Variants in TRPS1 observed in about 807,000 individuals in gnomAD.
TRPS1 encodes zinc finger transcription factor Trps1.
A neutral mutation model predicts 101.2 loss-of-function variants in TRPS1; 6 were observed. The observed-to-expected ratio is 0.06, with a 90% CI of 0.03 to 0.12. TRPS1 has a LOEUF of 0.12. Among genes scored for constraint, TRPS1 ranks in the 10% least tolerant of loss-of-function variants. The pLI is 1.00. For missense variants in TRPS1, 1,363 were observed against 1,567.0 expected (o/e 0.87, Z 2.20); for synonymous variants, 578 against 589.8 (o/e 0.98, Z 0.29).
intron 5 of TRPS1, among the ~76,000 whole-genome samples, chr8:115,519,474 T>C (rs527790925): frequency 6.6e-6 from 1 of 151,770 alleles, no homozygotes; most frequent in South Asian, 2.1e-4. Context: ...TTCAAAATAA[T>C]TTATTTAGTG....
intron 1 of TRPS1, among the ~76,000 whole-genome samples, chr8:115,660,954 G>A (rs1811778898): frequency 6.6e-6 from 1 of 151,860 alleles, no homozygotes; most frequent in African/African-American, 2.4e-5. Context: ...AAAATGCATT[G>A]GGTCATAGTA....
intron 5 of TRPS1, among the ~76,000 whole-genome samples, chr8:115,483,155 A>C (rs1814796452): frequency 6.6e-6 from 1 of 152,164 alleles, no homozygotes; most frequent in East Asian, 1.9e-4. Flanking sequence ...GAATGGATAA[A>C]GTGAGAGAGG....
chr8:115,415,569 T>C (rs1291684902), intron 6 of TRPS1, among the ~76,000 whole-genome samples: 2 of 152,184 alleles, frequency 1.3e-5, no homozygotes, highest in Non-Finnish European at 2.9e-5. Flanking sequence ...ACAGTGTGAC[T>C]GTGTCTGGAG....
At chr8:115,546,666 C>T (rs866091622) in intron 5 of TRPS1, among the ~76,000 whole-genome samples, 25 of 151,132 alleles carry the variant, frequency 1.7e-4, no homozygotes, top group Admixed American at 2.6e-4. Flanking sequence ...AAATTATTTC[C>T]ATAAATTACT....
chr8:115,438,468 A>G (rs1442560563), intron 5 of TRPS1, among the ~76,000 whole-genome samples: 1 of 152,196 alleles, frequency 6.6e-6, no homozygotes, highest in African/African-American at 2.4e-5. Flanking sequence ...GCAACTGGTC[A>G]ATCATGATGA....
chr8:115,433,356 A>G (rs994487788), intron 5 of TRPS1, among the ~76,000 whole-genome samples: 11 of 152,076 alleles, frequency 7.2e-5, no homozygotes, highest in Non-Finnish European at 1.3e-4. Flanking sequence ...AGAACACAAA[A>G]ACTTGCAGGC....
intron 5 of TRPS1, among the ~76,000 whole-genome samples, chr8:115,569,406 C>G (rs1482122756): frequency 6.6e-6 from 1 of 152,094 alleles, no homozygotes; most frequent in Non-Finnish European, 1.5e-5. Flanking sequence ...AGGAAAAGAG[C>G]TCCATGCCTT....
At chr8:115,424,219 A>G (rs1270171422) in intron 5 of TRPS1, among the ~76,000 whole-genome samples, 3 of 152,252 alleles carry the variant, frequency 2.0e-5, no homozygotes, top group African/African-American at 7.2e-5. Context: ...TCTGATTTAT[A>G]TAATGTTAGT....
intron 4 of TRPS1, among the ~76,000 whole-genome samples, chr8:115,591,080 T>A (rs1006397815): frequency 6.6e-6 from 1 of 152,178 alleles, no homozygotes; most frequent in Non-Finnish European, 1.5e-5. Context: ...TTTAATGACA[T>A]GAAAGAATGA....
At chr8:115,540,283 T>C (rs1816421791) in intron 5 of TRPS1, among the ~76,000 whole-genome samples, 1 of 152,138 alleles carries the variant, frequency 6.6e-6, no homozygotes, top group South Asian at 2.1e-4. Context: ...TAAGAAAATG[T>C]AGTAAGACAT....
chr8:115,572,160 A>G (rs964107484), intron 5 of TRPS1, among the ~76,000 whole-genome samples: 1 of 152,148 alleles, frequency 6.6e-6, no homozygotes, highest in Non-Finnish European at 1.5e-5. Context: ...TCAATTACGA[A>G]AAGACTTTGA....
intron 5 of TRPS1, among the ~76,000 whole-genome samples, chr8:115,419,440 G>A (rs1206680162): frequency 1.3e-5 from 2 of 151,696 alleles, no homozygotes. Flanking sequence ...AGGAAGCAAA[G>A]CCTTTAATGA....
intron 5 of TRPS1, among the ~76,000 whole-genome samples, chr8:115,554,819 A>G (rs1816780120): frequency 6.6e-6 from 1 of 152,184 alleles, no homozygotes; most frequent in East Asian, 1.9e-4. Context: ...TCTAGATGGC[A>G]CAGGTTCAGA....
intron 5 of TRPS1, among the ~76,000 whole-genome samples, chr8:115,504,731 T>C (rs62513001): frequency 7.5e-4 from 115 of 152,336 alleles, no homozygotes; most frequent in Non-Finnish European, 1.6e-3. Context: ...ATGTTAGGCA[T>C]ATTTATTCTG....
intron 5 of TRPS1, among the ~76,000 whole-genome samples, chr8:115,583,422 C>T (rs1160139302): frequency 6.6e-6 from 1 of 152,046 alleles, no homozygotes; most frequent in Non-Finnish European, 1.5e-5. Flanking sequence ...ATGTTAACCT[C>T]TTCACAGACC....
intron 1 of TRPS1, among the ~76,000 whole-genome samples, chr8:115,648,663 T>A (rs184891892): frequency 4.0e-5 from 6 of 148,930 alleles, no homozygotes; most frequent in South Asian, 4.3e-4. Context: ...AAAGGAAAAA[T>A]TTTTTTAAAG....
Position 115,414,630 on chromosome 8 carries a change from T to C in TRPS1, c.3278A>G (p.Tyr1093Cys), listed in dbSNP as rs1317967723. 3 of 1,613,990 alleles carry C rather than the reference T, an allele frequency of 1.9e-6. No individual in the cohort carries two copies. Among genetic ancestry groups the C allele is most frequent in the Non-Finnish European group, 2.5e-6 (3 of 1,179,950 alleles). ...KYMRPAKHPN[Y>C]SPPGSPIEKY... ...TTCAATAGGGCTGCCTGGTGGTGAA[T>C]AATTTGGGTGTTTCGCAGGTCTCAT... is the stretch of plus-strand genomic sequence containing the variant. The change falls in exon 7 of 7, where the codon TAT (tyrosine) becomes TGT (cysteine). Residue 1093 changes from tyrosine to cysteine, a missense_variant. This residue lies in a region of TRPS1 where 307 missense variants were observed against 392.4 expected (regional missense o/e 0.78). Coordinates refer to ENST00000395715, the MANE Select transcript of TRPS1 (RefSeq NM_014112.5). The surrounding 1 kb of genome is among the most constrained non-coding windows in gnomAD (Gnocchi z 4.8).
At chr8:115,597,985 T>C (rs1032535366) in intron 4 of TRPS1, among the ~76,000 whole-genome samples, 13 of 152,340 alleles carry the variant, frequency 8.5e-5, no homozygotes, top group Non-Finnish European at 1.8e-4. Flanking sequence ...CATCATCTGA[T>C]ATCTTTTCAG....
intron 1 of TRPS1, among the ~76,000 whole-genome samples, chr8:115,625,549 T>C (rs533273458): frequency 1.6e-4 from 25 of 151,876 alleles, no homozygotes; most frequent in Non-Finnish European, 2.7e-4. Flanking sequence ...TATTCATTCA[T>C]TCAGTAAATA....
Sources: allele counts gnomAD v4.1 joint callset (sites outside exome capture counted in the v4.1 genomes callset), GRCh38; gene constraint gnomAD v4.1.1; regional missense constraint gnomAD v4.1.1; non-coding constraint Gnocchi (gnomAD v3.1); transcripts MANE v1.5; gene names NCBI Gene and HGNC (gene_info 2026-07-23, HGNC 2026-07-21).